The following THEMIS2 variants were observed in gnomAD, a reference collection of about 807,000 sequenced individuals.
THEMIS2 encodes protein THEMIS2.
A neutral mutation model predicts 46.8 loss-of-function variants in THEMIS2; 29 were observed. The observed-to-expected ratio is 0.62, with a 90% CI of 0.46 to 0.84. THEMIS2 has a LOEUF of 0.84. Ranked by LOEUF, THEMIS2 falls within the 40% of genes least tolerant of loss-of-function variation. THEMIS2 has a pLI of 0.00. For missense variants in THEMIS2, 698 were observed against 834.7 expected, an observed-to-expected ratio of 0.84 and a Z score of 2.02; for synonymous variants, 335 against 349.1, an observed-to-expected ratio of 0.96 and a Z score of 0.45.
At chr1:27,874,035 T>TTTTTTTTTTTG (rs1553123145) in intron 1 of THEMIS2, among the ~76,000 whole-genome samples, 1 of 129,516 alleles carries the variant, frequency 7.7e-6, no homozygotes, top group African/African-American at 3.3e-5. Flanking sequence ...CAACCTAGGT[T>TTTTTTTTTTTG]TTTTTTTTTT....
intron 2 of THEMIS2, among the ~76,000 whole-genome samples, chr1:27,878,215 G>A (rs937384996): frequency 1.1e-4 from 17 of 151,648 alleles, no homozygotes; most frequent in Non-Finnish European, 2.4e-4. Context: ...TGCCAGATGC[G>A]GGAAAGTGTG....
intron 3 of THEMIS2, among the ~76,000 whole-genome samples, chr1:27,881,109 C>A (rs2089670544): frequency 6.6e-6 from 1 of 151,228 alleles, no homozygotes; most frequent in African/African-American, 2.4e-5. Context: ...ATTTATTTTT[C>A]TTTTTTCTTA....
chr1:27,873,243 T>C (rs1343642824), intron 1 of THEMIS2, among the ~76,000 whole-genome samples: 1 of 152,192 alleles, frequency 6.6e-6, no homozygotes, highest in Non-Finnish European at 1.5e-5. Flanking sequence ...ATCTGCCGTC[T>C]GCCCGCAGCG....
At position 27,880,525 on chromosome 1, in the gene THEMIS2, A is replaced by G. The variant is rs146963205; in HGVS notation, c.646+471A>G. 4.1e-3 allele frequency among the ~76,000 whole-genome samples: 631 copies of G among 152,246 alleles called. 9 individuals are homozygous for G. Among genetic ancestry groups the G allele is most frequent in the African/African-American group, 0.015 (605 of 41,556 alleles). ...ATGCTCAAATTATCTCGGCTACGCCAGGTGCAGTGGCTCACGCATGTAATA... is the reference window on the plus strand; with the variant it reads ...ATGCTCAAATTATCTCGGCTACGCCGGGTGCAGTGGCTCACGCATGTAATA... On this transcript the variant is annotated intron_variant, in intron 3 of 5. Coordinates refer to ENST00000373921, the MANE Select transcript of THEMIS2 (RefSeq NM_001105556.3).
At chr1:27,885,512 T>C in intron 5 of THEMIS2, 61 bp downstream of exon 5, 1 of 1,571,640 alleles carries the variant, frequency 6.4e-7, no homozygotes, top group African/African-American at 1.4e-5. Flanking sequence ...ACCTTGCTGC[T>C]TCCTTTGCCT....
intron 3 of THEMIS2, among the ~76,000 whole-genome samples, chr1:27,880,801 CAG>C (rs1241105376): frequency 1.3e-5 from 2 of 152,024 alleles, no homozygotes; most frequent in Non-Finnish European, 2.9e-5. Flanking sequence ...TTTTTTGAAG[CAG>C]AGTCTTGCTC....
At chr1:27,877,942 G>A (rs1029270374) in intron 2 of THEMIS2, among the ~76,000 whole-genome samples, 2 of 151,910 alleles carry the variant, frequency 1.3e-5, no homozygotes, top group Admixed American at 6.6e-5. Context: ...CTGAGGTCAG[G>A]AGTTCAAGAC....
intron 1 of THEMIS2, among the ~76,000 whole-genome samples, chr1:27,875,787 G>A (rs1156916084): frequency 1.3e-5 from 2 of 151,698 alleles, no homozygotes; most frequent in East Asian, 1.9e-4. Flanking sequence ...TGCAAGCTCC[G>A]CCTCCCGGGT....
rs1413360737 is a variant in THEMIS2 at position 27,872,844 on chromosome 1, C to T, written c.94+179C>T. 1.3e-5 allele frequency among the ~76,000 whole-genome samples: 2 copies of T among 152,198 alleles called. No homozygotes were observed. The highest frequency in any genetic ancestry group is 4.8e-5 in the African/African-American group (2 of 41,464). On this transcript the variant is annotated intron_variant, in intron 1 of 5. Coordinates refer to ENST00000373921, the MANE Select transcript of THEMIS2 (RefSeq NM_001105556.3). The surrounding 1 kb of genome is among the most constrained non-coding windows in gnomAD (Gnocchi z 4.9). ...CTCTTTGGACCTCGGCTTTTGCTTT[C>T]GTGGAACGGGGACCGCTGACCTGCC...
Position 27,879,651 on chromosome 1 carries a change from C to T in THEMIS2, c.243C>T (p.Phe81=), listed in dbSNP as rs1333034302. ...MELAPNFQGY[F]TPLNTPQSYE... Reference sequence around the variant, plus strand: ...CTCTGCTGTCCCCCACAGGCTACTTCACCCCCCTCAACACCCCACAGAGCT... The same window carrying T: ...CTCTGCTGTCCCCCACAGGCTACTTTACCCCCCTCAACACCCCACAGAGCT... Residue 81 remains phenylalanine (F), a synonymous_variant, in exon 3 of 6, where the codon TTC becomes TTT. Transcript: ENST00000373921. The T allele has an allele frequency of 6.3e-7, 1 of 1,593,674 alleles. No individual in the cohort carries two copies. The highest frequency in any genetic ancestry group is 1.3e-5 in the African/African-American group (1 of 74,386).
At chr1:27,876,452 C>A in intron 1 of THEMIS2, 136 bp from the exon 2 acceptor site, 2 of 1,126,444 alleles carry the variant, frequency 1.8e-6, no homozygotes, top group Non-Finnish European at 2.5e-6. Flanking sequence ...GAGGCAGGAA[C>A]GACAGAGCAG....
chr1:27,874,165 G>A (rs2089538865), intron 1 of THEMIS2, among the ~76,000 whole-genome samples: 1 of 151,400 alleles, frequency 6.6e-6, no homozygotes, highest in Admixed American at 6.6e-5. Context: ...CTGAGAGGCT[G>A]GGACCACAGG....
rs1262094516 is a variant in THEMIS2, at chr1:27,882,245, C to T, written c.921C>T (p.Gly307=). ...GGCGGGTCCTGGCCTCAAGCAAGGG[C>T]CGCAAGGTGCCCAGGCACTTCCTGG... The part of the protein sequence containing the change: ...PPWRVLASSK[G]RKVPRHFLVS... Residue 307 remains glycine (G), a synonymous_variant, in exon 4 of 6, where the codon GGC becomes GGT. Coordinates refer to ENST00000373921, the MANE Select transcript of THEMIS2 (RefSeq NM_001105556.3). The surrounding 1 kb of genome is among the most constrained non-coding windows in gnomAD (Gnocchi z 7.6). The T allele has an allele frequency of 1.2e-6, 2 of 1,608,282 alleles. No individual in the cohort carries two copies. Among genetic ancestry groups the T allele is most frequent in the Non-Finnish European group, 1.7e-6 (2 of 1,176,562 alleles).
chr1:27,876,510 G>A, intron 1 of THEMIS2, 78 bp from the exon 2 acceptor site: 2 of 1,552,278 alleles, frequency 1.3e-6, no homozygotes, highest in Non-Finnish European at 8.8e-7. Context: ...GCAGAGCAGA[G>A]CTTGTTGGGC....
chr1:27,872,892 C>T lies in THEMIS2; in HGVS notation c.94+227C>T, dbSNP rs1470197273. Among the ~76,000 whole-genome samples, 2 of 152,172 alleles carry T rather than the reference C, an allele frequency of 1.3e-5. No homozygotes were observed. Among genetic ancestry groups the T allele is most frequent in the Non-Finnish European group, 2.9e-5 (2 of 68,012 alleles). ...GCCCCGCAGGGTAGTGATGAAAAGT[C>T]AGTGGGTTGAGGCGCGGGAGGTGGA... On this transcript the variant is annotated intron_variant, in intron 1 of 5. Transcript: ENST00000373921. This position sits in a 1 kb window ranked among gnomAD's most constrained non-coding sequence, Gnocchi z 4.9.
intron 4 of THEMIS2, 160 bp from the exon 5 acceptor site, chr1:27,885,135 T>A: frequency 1.5e-6 from 1 of 677,592 alleles, no homozygotes; most frequent in African/African-American, 1.8e-5. Context: ...ATATTTCACA[T>A]GCATGTAGCA....
At position 27,882,380 on chromosome 1, in the gene THEMIS2, A is replaced by C. The variant is rs1216467149; in HGVS notation, c.1056A>C (p.Thr352=). 6.3e-7 allele frequency: 1 copy of C among 1,597,546 alleles called. No homozygotes were observed. Among genetic ancestry groups the C allele is most frequent in the Non-Finnish European group, 8.5e-7 (1 of 1,169,938 alleles). ...GCCGGCCACTCCGGGTGGTGGCCAC[A>C]AAGGACTGTGAGGGCGAGAGGGAGG... ...QPGRPLRVVA[T]KDCEGEREEN... The change falls in exon 4 of 6, where the codon ACA becomes ACC. Residue 352 remains threonine, a synonymous_variant. Coordinates refer to ENST00000373921, the MANE Select transcript of THEMIS2 (RefSeq NM_001105556.3). The surrounding 1 kb of genome is among the most constrained non-coding windows in gnomAD (Gnocchi z 7.6).
chr1:27,876,536 G>C, intron 1 of THEMIS2, 52 bp from the exon 2 acceptor site: 7 of 1,594,560 alleles, frequency 4.4e-6, no homozygotes, highest in Non-Finnish European at 6.0e-6. Context: ...GGCACAGGCT[G>C]CCCAGCACTT....
Position 27,885,933 on chromosome 1 carries a change from A to G in THEMIS2, c.*11A>G, listed in dbSNP as rs1329396385. 9 of 1,613,578 alleles carry G rather than the reference A, an allele frequency of 5.6e-6. No individual in the cohort carries two copies. The highest frequency in any genetic ancestry group is 7.6e-6 in the Non-Finnish European group (9 of 1,179,740). On this transcript the variant is annotated 3_prime_UTR_variant, in exon 6 of 6. Coordinates refer to ENST00000373921, the MANE Select transcript of THEMIS2 (RefSeq NM_001105556.3). ...CAGAAAACCATCTAAGTGCTGGAGGAACCACGCTTCCTAACTGCTGCTTCT... is the reference window on the plus strand; with the variant it reads ...CAGAAAACCATCTAAGTGCTGGAGGGACCACGCTTCCTAACTGCTGCTTCT...
Sources: allele counts gnomAD v4.1 joint callset (sites outside exome capture counted in the v4.1 genomes callset), GRCh38; gene constraint gnomAD v4.1.1; non-coding constraint Gnocchi (gnomAD v3.1); transcripts MANE v1.5; gene names NCBI Gene and HGNC (gene_info 2026-07-23, HGNC 2026-07-21).